Variants in ZNF385D observed in about 807,000 individuals in gnomAD.
ZNF385D encodes the protein zinc finger protein 385D.
Under a neutral mutation model 35.8 loss-of-function variants are expected in ZNF385D, and 15 were observed. The observed-to-expected ratio is 0.42, with a 90% CI of 0.28 to 0.64. The LOEUF (loss-of-function observed/expected upper bound fraction) is 0.64. ZNF385D is among the 30% of genes least tolerant of loss of function. The probability of loss-of-function intolerance (pLI) is 0.23; values close to 1 mark genes in which losing one functional copy is unlikely to be tolerated. For missense variants in ZNF385D, 474 were observed against 494.6 expected, an observed-to-expected ratio of 0.96 and a Z score of 0.39; for synonymous variants, 212 against 186.8, an observed-to-expected ratio of 1.13 and a Z score of -1.10.
chr3:21,931,539 G>A (rs914427711), intron 3 of ZNF385D, among the ~76,000 whole-genome samples: 3 of 152,140 alleles, frequency 2.0e-5, no homozygotes, highest in Non-Finnish European at 2.9e-5. Flanking sequence ...ACTGGTGAAT[G>A]GGTAAGTACA....
At chr3:21,939,919 C>T (rs1007631887) in intron 3 of ZNF385D, among the ~76,000 whole-genome samples, 1 of 152,126 alleles carries the variant, frequency 6.6e-6, no homozygotes, top group Admixed American at 6.6e-5. Context: ...AAAAAATTCA[C>T]ATAGGGAGTG....
intron 5 of ZNF385D, among the ~76,000 whole-genome samples, chr3:21,427,834 G>A (rs1330114001): frequency 6.6e-6 from 1 of 151,938 alleles, no homozygotes; most frequent in Admixed American, 6.6e-5. Flanking sequence ...GAAAAGATAG[G>A]ACAATTAAAT....
intron 2 of ZNF385D, among the ~76,000 whole-genome samples, chr3:21,587,310 C>T (rs748709147): frequency 6.6e-5 from 10 of 152,212 alleles, no homozygotes; most frequent in South Asian, 2.1e-4. Flanking sequence ...CAAGAAGTTT[C>T]GTTTTGTAAT....
chr3:21,690,323 T>A (rs928880078), intron 1 of ZNF385D, among the ~76,000 whole-genome samples: 4 of 151,682 alleles, frequency 2.6e-5, no homozygotes, highest in Non-Finnish European at 5.9e-5. Context: ...GCAATAAATC[T>A]GCAAGCTATC....
chr3:21,768,261 G>C (rs958015273), intron 3 of ZNF385D, among the ~76,000 whole-genome samples: 32 of 152,046 alleles, frequency 2.1e-4, no homozygotes, highest in Non-Finnish European at 4.3e-4. Flanking sequence ...TTAAGAAAAA[G>C]AGCATTACAT....
chr3:22,213,909 T>A (rs1697686447), intron 2 of ZNF385D, among the ~76,000 whole-genome samples: 1 of 152,066 alleles, frequency 6.6e-6, no homozygotes, highest in East Asian at 1.9e-4. Context: ...CAGAAGAAAA[T>A]TTATAAAGCG....
chr3:22,027,087 G>A (rs935225441), intron 3 of ZNF385D, among the ~76,000 whole-genome samples: 5 of 152,274 alleles, frequency 3.3e-5, no homozygotes, highest in Non-Finnish European at 7.4e-5. Flanking sequence ...GCCTTCAGCT[G>A]GCAAGTGCAG....
At chr3:21,862,165 A>G (rs190394930) in intron 3 of ZNF385D, among the ~76,000 whole-genome samples, 38 of 152,212 alleles carry the variant, frequency 2.5e-4, no homozygotes, top group Admixed American at 2.2e-3. Context: ...TTGATATCAA[A>G]TTCTTTTGAT....
At chr3:21,861,448 G>A (rs1464982925) in intron 3 of ZNF385D, among the ~76,000 whole-genome samples, 23 of 152,054 alleles carry the variant, frequency 1.5e-4, no homozygotes, top group Admixed American at 1.5e-3. Flanking sequence ...CCTTGAAACA[G>A]GTAAGCTCTC....
intron 4 of ZNF385D, among the ~76,000 whole-genome samples, chr3:21,498,945 C>CAAAAAAA (rs35511402): frequency 1.6e-5 from 1 of 64,272 alleles, no homozygotes; most frequent in Non-Finnish European, 2.7e-5. Context: ...GACTCCATCT[C>CAAAAAAA]AAAAAAAAAA....
intron 3 of ZNF385D, among the ~76,000 whole-genome samples, chr3:22,032,894 A>C (rs1698086575): frequency 1.3e-5 from 2 of 152,186 alleles, no homozygotes; most frequent in Non-Finnish European, 2.9e-5. Context: ...ATTTGAGAGT[A>C]CTGAGGCACA....
intron 3 of ZNF385D, among the ~76,000 whole-genome samples, chr3:22,046,205 G>A (rs77691317): frequency 6.6e-6 from 1 of 152,020 alleles, no homozygotes; most frequent in Non-Finnish European, 1.5e-5. Context: ...TTCATACGGG[G>A]TTTCAATTCA....
At chr3:21,626,293 A>G (rs1385217352) in intron 2 of ZNF385D, among the ~76,000 whole-genome samples, 1 of 152,090 alleles carries the variant, frequency 6.6e-6, no homozygotes, top group Non-Finnish European at 1.5e-5. Flanking sequence ...AGGAATTAAC[A>G]TGGATTGAGA....
At chr3:22,090,927 A>G (rs1331992136) in intron 3 of ZNF385D, among the ~76,000 whole-genome samples, 1 of 152,178 alleles carries the variant, frequency 6.6e-6, no homozygotes, top group Non-Finnish European at 1.5e-5. Context: ...GTGTGAAGTT[A>G]CAGCATGCTC....
In ZNF385D at chr3:21,420,796, T is replaced by C. The variant is rs1441122230; in HGVS notation, c.*418A>G. ...TTGTTTTTGTTTTTTTCCTTTTTTT[T>C]TGTACGATTTTAATCTACAGAGTAA... On this transcript the variant is annotated 3_prime_UTR_variant, in exon 8 of 8. Transcript: ENST00000281523. 1 of 158,408 alleles carries C rather than the reference T, an allele frequency of 6.3e-6. No individual in the cohort carries two copies. 9.8% of individuals were successfully genotyped at this position (158,408 alleles called of 1,614,324 possible).
At chr3:21,928,473 C>T (rs866767482) in intron 3 of ZNF385D, among the ~76,000 whole-genome samples, 1 of 152,036 alleles carries the variant, frequency 6.6e-6, no homozygotes, top group African/African-American at 2.4e-5. Flanking sequence ...TTATCACCAG[C>T]TGGACTTAAA....
At chr3:22,170,899 G>A (rs1444198261) in intron 2 of ZNF385D, among the ~76,000 whole-genome samples, 1 of 152,092 alleles carries the variant, frequency 6.6e-6, no homozygotes, top group African/African-American at 2.4e-5. Context: ...AGCAGATCAG[G>A]AAAGTTTTAT....
intron 1 of ZNF385D, among the ~76,000 whole-genome samples, chr3:21,728,279 T>TATA (rs111369677): frequency 0.18 from 26,569 of 144,698 alleles, 2,507 homozygotes; most frequent in South Asian, 0.23. Flanking sequence ...GAACTTAAAG[T>TATA]ATAATAATAA....
rs550843554 is a variant in ZNF385D at position 21,763,893 on chromosome 3, T to A, written c.326-98865A>T. Reference sequence around the variant, plus strand: ...AATTCACTATTCTAACATATAGTCATTGAACATCCATTTGTCAAGAACTGT... The same window carrying A: ...AATTCACTATTCTAACATATAGTCAATGAACATCCATTTGTCAAGAACTGT... On this transcript the variant is annotated intron_variant, in intron 3 of 5. Coordinates refer to the ZNF385D transcript ENST00000494108. 3.9e-5 allele frequency among the ~76,000 whole-genome samples: 6 copies of A among 152,282 alleles called. No homozygotes were observed. The South Asian group carries it at 1.2e-3, about 32-fold the overall frequency.
Sources: allele counts gnomAD v4.1 joint callset (sites outside exome capture counted in the v4.1 genomes callset), GRCh38; gene constraint gnomAD v4.1.1; transcripts MANE v1.5; gene names NCBI Gene and HGNC (gene_info 2026-07-23, HGNC 2026-07-21).